Variants in PSG1 observed in about 807,000 individuals in gnomAD.
The protein encoded by PSG1 is pregnancy specific beta-1-glycoprotein 1.
A neutral mutation model predicts 41.4 loss-of-function variants in PSG1; 60 were observed. The ratio of observed to expected loss-of-function variants is 1.45; its 90% CI spans 1.18 to 1.80. The LOEUF is 1.80. Among genes scored for constraint, PSG1 ranks in the 40% most tolerant of loss-of-function variants. PSG1 has a pLI of 0.00. For synonymous variants in PSG1, 256 were observed against 192.9 expected, an observed-to-expected ratio of 1.33 and a Z score of -2.71; for missense variants, 806 against 516.9, an observed-to-expected ratio of 1.56 and a Z score of -5.42.
intron 3 of PSG1, chr19:42,869,428 G>C (rs909444893): frequency 2.9e-5 from 8 of 274,804 alleles, no homozygotes; most frequent in Non-Finnish European, 5.5e-5. Flanking sequence ...TGTCCCCCTA[G>C]ATGTGATTTC....
intron 5 of PSG1, chr19:42,867,418 A>G (rs1367722061): frequency 1.2e-5 from 7 of 575,750 alleles, no homozygotes; most frequent in African/African-American, 1.1e-4. Context: ...TTTATAAGGA[A>G]TCTGAGATTA....
In PSG1 at chr19:42,868,124, T is replaced by A. The variant is rs758094879; in HGVS notation, c.1220A>T (p.Lys407Ile). The A allele has an allele frequency of 2.0e-5, 32 of 1,612,364 alleles. 1 individual carries two copies. Among genetic ancestry groups the A allele is most frequent in the Non-Finnish European group, 2.5e-5 (30 of 1,179,096 alleles). ...ACCAGAGACTTCGACTGTCATGGAT[T>A]TGGAGCTTTCCTTGCCAGTGGCTGA... is the stretch of plus-strand genomic sequence containing the variant. ...RNSATGKESS[K>I]SMTVEVSDWT... is the part of the protein sequence containing the mutation. The change falls in exon 5 of 6, where the codon AAA becomes ATA. Residue 407 changes from lysine (K) to isoleucine (I), a missense_variant. Coordinates refer to ENST00000436291, the MANE Select transcript of PSG1 (RefSeq NM_001184825.2).
Position 42,879,671 on chromosome 19 carries a change from C to T in PSG1, c.-90G>A. 5 of 1,555,194 alleles carry T rather than the reference C, an allele frequency of 3.2e-6. No individual in the cohort carries two copies. In the South Asian group the frequency reaches 4.6e-5, roughly 14 times the overall value. ...ACGGCTGTCAGCTGTGCTGTCCTTC[C>T]TCTTTCTGTGCTGAGCCTCTTCCCA... is the stretch of plus-strand genomic sequence containing the variant. On this transcript the variant is annotated 5_prime_UTR_variant, in exon 1 of 6. Coordinates refer to ENST00000436291, the MANE Select transcript of PSG1 (RefSeq NM_001184825.2).
chr19:42,875,820 A>G lies in PSG1; in HGVS notation c.430+2093T>C, dbSNP rs1286731100. The stretch of plus-strand genomic sequence containing the variant: ...TTCAATTATTTTATTTTATTTATTT[A>G]TTTGTTTTTTTTTTTTTTTGTGCAG... On this transcript the variant is annotated intron_variant, in intron 2 of 5. Coordinates refer to ENST00000436291, the MANE Select transcript of PSG1 (RefSeq NM_001184825.2). Among the ~76,000 whole-genome samples, 13 of 123,150 alleles carry G rather than the reference A, an allele frequency of 1.1e-4. 1 individual carries two copies. The East Asian group carries it at 2.9e-3, about 28-fold the overall frequency. 80.8% of individuals were successfully genotyped at this position (123,150 alleles called of 152,430 possible).
rs1224101888 is a variant in PSG1, at chr19:42,873,818, A to T, written c.431-1773T>A. Among the ~76,000 whole-genome samples, 19 of 151,752 alleles carry T rather than the reference A, an allele frequency of 1.3e-4. 1 individual carries two copies. Among genetic ancestry groups the T allele is most frequent in the East Asian group, 3.9e-4 (2 of 5,156 alleles). ...TATAGAAAGAACTCCCTGCTTCTAA[A>T]TTCTGTGCAGAGTTAGGAAAAATGG... On this transcript the variant is annotated intron_variant, in intron 2 of 5. Transcript: ENST00000436291.
At chr19:42,877,104 C>T (rs1427586528) in intron 2 of PSG1, among the ~76,000 whole-genome samples, 2 of 151,704 alleles carry the variant, frequency 1.3e-5, no homozygotes, top group African/African-American at 2.4e-5. Flanking sequence ...ATGCTTGGCA[C>T]AGTGGAGGTT....
rs143342076 is a variant in PSG1, at chr19:42,879,548, G to C, written c.34C>G (p.Arg12Gly). The change falls in exon 1 of 6, where the codon CGC becomes GGC. Residue 12 changes from arginine to glycine, a missense_variant. Arg to Gly is a moderately radical substitution (Grantham distance 125). Coordinates refer to ENST00000436291, the MANE Select transcript of PSG1 (RefSeq NM_001184825.2). ...AGCAGGAGCCCCTTCCATTTGATGC[G>C]CTGTGTGCAGGGAGGGGCTGAGAGG... ...GTLSAPPCTQ[R>G]IKWKGLLLTA... is the part of the protein sequence containing the mutation. 79 of 1,610,516 alleles carry C rather than the reference G, an allele frequency of 4.9e-5. No homozygotes were observed. Among genetic ancestry groups the C allele is most frequent in the Middle Eastern group, 3.3e-4 (2 of 6,066 alleles).
Position 42,868,139 on chromosome 19 carries a change from C to A in PSG1, c.1205G>T (p.Gly402Val). The change falls in exon 5 of 6, where the codon GGC (glycine) becomes GTC (valine). Residue 402 changes from glycine (G) to valine (V), a missense_variant. Transcript: ENST00000436291. ...YVCSVRNSAT[G>V]KESSKSMTVE... ...TGTCATGGATTTGGAGCTTTCCTTG[C>A]CAGTGGCTGAGTTACGAACAGAGCA... 5 of 1,612,362 alleles carry A rather than the reference C, an allele frequency of 3.1e-6. No homozygotes were observed. Among genetic ancestry groups the A allele is most frequent in the African/African-American group, 1.3e-5 (1 of 74,806 alleles).
chr19:42,874,375 C>T lies in PSG1; in HGVS notation c.431-2330G>A, dbSNP rs566785101. 1.3e-4 allele frequency among the ~76,000 whole-genome samples: 19 copies of T among 151,318 alleles called. 2 individuals carry two copies. The East Asian group carries it at 3.5e-3, about 28-fold the overall frequency. On this transcript the variant is annotated intron_variant, in intron 2 of 5. Coordinates refer to ENST00000436291, the MANE Select transcript of PSG1 (RefSeq NM_001184825.2). ...GGGTTTTTTTTTTCTGAGACAGAGT[C>T]TCGCTCTGTCACCCCGGCTGCAGTG...
At chr19:42,871,698 G>A in intron 3 of PSG1, 69 bp downstream of exon 3, 1 of 1,612,412 alleles carries the variant, frequency 6.2e-7, no homozygotes, top group South Asian at 1.1e-5. Flanking sequence ...GAGGGACAGA[G>A]AGGCCTGGCC....
At position 42,868,617 on chromosome 19, in the gene PSG1, G is replaced by A. The variant is rs1971241163; in HGVS notation, c.988+139C>T. The A allele has an allele frequency of 3.9e-6, 6 of 1,523,354 alleles. 1 individual carries two copies. Among genetic ancestry groups the A allele is most frequent in the Non-Finnish European group, 5.3e-6 (6 of 1,134,808 alleles). 94.4% of individuals were successfully genotyped at this position (1,523,354 alleles called of 1,614,324 possible). A position where few individuals can be genotyped will look rare whatever the true frequency, so the allele number is the denominator to read the frequency against. On this transcript the variant is annotated intron_variant, in intron 4 of 5. Transcript: ENST00000436291. ...GCTGTGCCTACCCAGGATTTCCCAG[G>A]GCAGGGAGTCATGGCCAGCTCCGAT...
At chr19:42,872,433 A>C (rs7250910) in intron 2 of PSG1, among the ~76,000 whole-genome samples, 50,163 of 151,332 alleles carry the variant, frequency 0.33, 9,404 homozygotes, top group South Asian at 0.46. Flanking sequence ...CACTTTGCCC[A>C]CTGAGGTATG....
At chr19:42,867,967 C>G in intron 5 of PSG1, 134 bp downstream of exon 5, 3 of 1,595,912 alleles carry the variant, frequency 1.9e-6, no homozygotes, top group East Asian at 2.2e-5. Flanking sequence ...TTGGAGGGTT[C>G]AGGAGGAGAA....
Position 42,869,020 on chromosome 19 carries a change from G to A in PSG1, c.724C>T (p.Pro242Ser), listed in dbSNP as rs1318106145. 22 of 1,610,120 alleles carry A rather than the reference G, an allele frequency of 1.4e-5. 1 individual carries two copies. In the African/African-American group the frequency reaches 2.4e-4, roughly 18 times the overall value. Residue 242 changes from proline (P) to serine (S), a missense_variant, in exon 4 of 6, where the codon CCC (proline) becomes TCC (serine). Coordinates refer to ENST00000436291, the MANE Select transcript of PSG1 (RefSeq NM_001184825.2). ...TTTAAGTTGTTGATGGTGATGTAGG[G>A]CTTGGGCAGCTTCGCTGTGTGGATA... ...TLNLLPKLPK[P>S]YITINNLNPR...
chr19:42,867,748 G>A (rs868167687), intron 5 of PSG1: 8 of 885,504 alleles, frequency 9.0e-6, no homozygotes, highest in Middle Eastern at 6.1e-4. Context: ...GCTATAAGCT[G>A]TAGATAGATT....
chr19:42,869,225 G>C, intron 3 of PSG1, 191 bp from the exon 4 acceptor site: 1 of 1,288,628 alleles, frequency 7.8e-7, no homozygotes, highest in Non-Finnish European at 1.0e-6. Context: ...CGCCTTCTCT[G>C]TCTTAGGGAA....
chr19:42,871,511 G>T (rs1388073805), intron 3 of PSG1, among the ~76,000 whole-genome samples: 1 of 151,730 alleles, frequency 6.6e-6, no homozygotes. Flanking sequence ...CAGATCTGGA[G>T]CCTGAGACCT....
At chr19:42,870,166 G>C (rs944851522) in intron 3 of PSG1, 2 of 151,814 alleles carry the variant, frequency 1.3e-5, no homozygotes, top group Non-Finnish European at 2.9e-5. Context: ...TGTAGAGCTT[G>C]ATGCCTATAG....
chr19:42,871,608 G>T (rs1471750761), intron 3 of PSG1, among the ~76,000 whole-genome samples, 159 bp downstream of exon 3: 2 of 151,604 alleles, frequency 1.3e-5, no homozygotes, highest in African/African-American at 4.8e-5. Flanking sequence ...ATGAAGCCTA[G>T]GTCTACTCTG....
Sources: allele counts gnomAD v4.1 joint callset (sites outside exome capture counted in the v4.1 genomes callset), GRCh38; gene constraint gnomAD v4.1.1; transcripts MANE v1.5; gene names NCBI Gene and HGNC (gene_info 2026-07-23, HGNC 2026-07-21).